Variants in STIM1 observed in about 807,000 individuals in gnomAD.
STIM1 encodes stromal interaction molecule 1.
A neutral mutation model predicts 74.7 loss-of-function variants in STIM1; 25 were observed. The observed-to-expected ratio is 0.33, with a 90% CI of 0.24 to 0.47. The LOEUF is 0.47. Among genes scored for constraint, STIM1 ranks in the 20% least tolerant of loss-of-function variants. STIM1 has a pLI of 1.00. For synonymous variants in STIM1, 328 were observed against 348.8 expected (o/e 0.94, Z 0.66); for missense variants, 728 against 920.8 (o/e 0.79, Z 2.71).
At chr11:3,919,297 C>A (rs1425420801) in intron 1 of STIM1, among the ~76,000 whole-genome samples, 1 of 152,118 alleles carries the variant, frequency 6.6e-6, no homozygotes, top group Non-Finnish European at 1.5e-5. Flanking sequence ...CCTCTGCCTC[C>A]CGGGTTCAAG....
intron 1 of STIM1, chr11:3,867,119 C>T (rs2090889726): frequency 6.6e-6 from 1 of 152,116 alleles, no homozygotes; most frequent in Non-Finnish European, 1.5e-5. Flanking sequence ...GATGAGCATG[C>T]CCTGGGATTG....
At chr11:3,960,510 T>G (rs2135710034) in intron 1 of STIM1, among the ~76,000 whole-genome samples, 1 of 152,338 alleles carries the variant, frequency 6.6e-6, no homozygotes, top group Non-Finnish European at 1.5e-5. Flanking sequence ...AAATGACAAG[T>G]GCATCATGTT....
intron 2 of STIM1, among the ~76,000 whole-genome samples, chr11:3,993,085 A>G (rs2093630750): frequency 6.6e-6 from 1 of 152,070 alleles, no homozygotes; most frequent in Non-Finnish European, 1.5e-5. Context: ...AAAAAATGTA[A>G]ACCAGATCAT....
In STIM1 at chr11:3,937,936, C is replaced by CT. The variant is rs879661667; in HGVS notation, c.140-29601dup. ...GGATCTTGAGTCTGTTAGAGAAATT[C>CT]TTTTTTTTTTTTTTTGAGATGGAGT... On this transcript the variant is annotated intron_variant, in intron 1 of 12. Coordinates refer to ENST00000526596, the MANE Select transcript of STIM1 (RefSeq NM_001382567.1). Among the ~76,000 whole-genome samples the CT allele has an allele frequency of 7.8e-3, 1,088 of 138,802 alleles. 3 individuals carry two copies. Among genetic ancestry groups the CT allele is most frequent in the East Asian group, 0.012 (57 of 4,806 alleles). 91.1% of individuals were successfully genotyped at this position (138,802 alleles called of 152,430 possible). A position where few individuals can be genotyped will look rare whatever the true frequency, so the allele number is the denominator to read the frequency against.
intron 1 of STIM1, among the ~76,000 whole-genome samples, chr11:3,878,202 G>A (rs977818973): frequency 6.6e-6 from 1 of 152,156 alleles, no homozygotes; most frequent in African/African-American, 2.4e-5. Context: ...AGAAGGGAAA[G>A]GAGGAGGGTT....
chr11:3,899,594 C>T (rs2092290286), intron 1 of STIM1, among the ~76,000 whole-genome samples: 1 of 150,238 alleles, frequency 6.7e-6, no homozygotes, highest in African/African-American at 2.4e-5. Context: ...TGTCTTGTGC[C>T]AGTTTTCAAA....
At chr11:3,877,060 A>G (rs1377919153) in intron 1 of STIM1, among the ~76,000 whole-genome samples, 1 of 152,152 alleles carries the variant, frequency 6.6e-6, no homozygotes, top group Non-Finnish European at 1.5e-5. Context: ...TTTAAAAAAA[A>G]GATTAAAACC....
At chr11:3,947,912 G>A (rs932825332) in intron 1 of STIM1, among the ~76,000 whole-genome samples, 6 of 152,228 alleles carry the variant, frequency 3.9e-5, no homozygotes, top group African/African-American at 1.4e-4. Flanking sequence ...GACAACGTAT[G>A]TAGAAGTGAT....
At chr11:3,918,092 G>A (rs1343837372) in intron 1 of STIM1, among the ~76,000 whole-genome samples, 1 of 152,158 alleles carries the variant, frequency 6.6e-6, no homozygotes, top group African/African-American at 2.4e-5. Flanking sequence ...GGTAAATTAT[G>A]TCATTAGGAC....
At position 4,048,797 on chromosome 11, in the gene STIM1, G is replaced by A. The variant is rs753321161; in HGVS notation, c.386-6729G>A. Among the ~76,000 whole-genome samples, 84 of 151,916 alleles carry A rather than the reference G, an allele frequency of 5.5e-4. 2 individuals are homozygous for A. The highest frequency in any genetic ancestry group is 6.8e-3 in the Middle Eastern group (2 of 292). On this transcript the variant is annotated intron_variant, in intron 3 of 12. Transcript: ENST00000526596. ...CGCCCAGGCTGGAGTGCAGTGGCACGATCTCAGCTCGCTGCAACCTCCACC... is the reference window on the plus strand; with the variant it reads ...CGCCCAGGCTGGAGTGCAGTGGCACAATCTCAGCTCGCTGCAACCTCCACC...
At chr11:3,973,043 T>C in intron 2 of STIM1, 1 of 462,154 alleles carries the variant, frequency 2.2e-6, no homozygotes, top group Non-Finnish European at 4.3e-6. Flanking sequence ...CTGTGAGAGC[T>C]GACACTCCTG....
chr11:3,893,611 G>C (rs1457467934), intron 1 of STIM1, among the ~76,000 whole-genome samples: 1 of 151,618 alleles, frequency 6.6e-6, no homozygotes, highest in African/African-American at 2.4e-5. Context: ...ATTTGTATAT[G>C]GTTGATAATT....
chr11:4,043,860 C>T (rs1265605545), intron 3 of STIM1, among the ~76,000 whole-genome samples: 1 of 151,514 alleles, frequency 6.6e-6, no homozygotes, highest in African/African-American at 2.4e-5. Context: ...ACTAAAAATA[C>T]AAAAATTAGC....
intron 1 of STIM1, among the ~76,000 whole-genome samples, chr11:3,893,651 A>G (rs968449295): frequency 2.1e-5 from 3 of 143,948 alleles, no homozygotes; most frequent in African/African-American, 5.2e-5. Context: ...CTGGGTCAAC[A>G]TTTTTTTTTT....
At chr11:3,966,014 A>G (rs1348796083) in intron 1 of STIM1, among the ~76,000 whole-genome samples, 2 of 139,396 alleles carry the variant, frequency 1.4e-5, no homozygotes, top group Non-Finnish European at 3.0e-5. Context: ...CTCAAAAAAC[A>G]AACAAACAAA....
chr11:4,065,395 A>G (rs2094358679), intron 5 of STIM1, among the ~76,000 whole-genome samples: 1 of 150,756 alleles, frequency 6.6e-6, no homozygotes, highest in African/African-American at 2.4e-5. Flanking sequence ...TTTCTCCAGG[A>G]TGTTTTTCCA....
chr11:3,884,232 A>C (rs1313842261), intron 1 of STIM1, among the ~76,000 whole-genome samples: 3 of 152,082 alleles, frequency 2.0e-5, no homozygotes, highest in Admixed American at 6.6e-5. Flanking sequence ...TCAAGGTTGG[A>C]GTTTCTTTGT....
intron 1 of STIM1, among the ~76,000 whole-genome samples, chr11:3,866,772 C>T (rs1229307205): frequency 6.6e-6 from 1 of 152,050 alleles, no homozygotes. Context: ...GTGATCCAAA[C>T]TGTCAAATGA....
upstream of STIM1, chr11:3,855,638 C>A (rs1301052357): frequency 7.3e-6 from 1 of 137,078 alleles, no homozygotes; most frequent in Non-Finnish European, 1.6e-5. Flanking sequence ...CGCCCCGGGC[C>A]CGCCCCGCGC....
Sources: gnomAD v4.1 joint callset for allele counts (sites outside exome capture counted in the v4.1 genomes callset) on GRCh38, gnomAD v4.1.1 for gene constraint, MANE v1.5 for transcripts, NCBI Gene and HGNC (gene_info 2026-07-23, HGNC 2026-07-21) for gene names.